Variants in PCDH15 observed in about 807,000 individuals in gnomAD.
PCDH15 encodes protocadherin-15.
PCDH15 carries 129 observed loss-of-function variants against 178.5 expected under a neutral mutation model. The ratio of observed to expected loss-of-function variants is 0.72; its 90% CI spans 0.63 to 0.84. PCDH15 has a LOEUF of 0.84. Among genes scored for constraint, PCDH15 ranks in the 40% least tolerant of loss-of-function variants. PCDH15 has a pLI of 0.00. For synonymous variants in PCDH15, 800 were observed against 732.0 expected, an observed-to-expected ratio of 1.09 and a Z score of -1.50; for missense variants, 2,230 against 2,099.9, an observed-to-expected ratio of 1.06 and a Z score of -1.21.
At chr10:53,925,311 A>G (rs1387032303) in intron 25 of PCDH15, among the ~76,000 whole-genome samples, 1 of 151,930 alleles carries the variant, frequency 6.6e-6, no homozygotes, top group East Asian at 1.9e-4. Context: ...ATAACCCCAG[A>G]CATGCCACCT....
chr10:55,365,537 C>A (rs529251001), intron 2 of PCDH15, among the ~76,000 whole-genome samples: 1 of 152,182 alleles, frequency 6.6e-6, no homozygotes, highest in South Asian at 2.1e-4. Flanking sequence ...CAAATCTCAT[C>A]TTGAATTATA....
intron 15 of PCDH15, among the ~76,000 whole-genome samples, chr10:54,117,401 C>T (rs1390132621): frequency 6.6e-6 from 1 of 152,148 alleles, no homozygotes; most frequent in Non-Finnish European, 1.5e-5. Flanking sequence ...GAGGGTGTCA[C>T]AGCCCTGGTT....
intron 14 of PCDH15, among the ~76,000 whole-genome samples, chr10:54,140,477 T>G (rs1392694506): frequency 6.6e-6 from 1 of 152,050 alleles, no homozygotes; most frequent in Non-Finnish European, 1.5e-5. Flanking sequence ...TTCTGCTTTT[T>G]TTTTTTTCTT....
At chr10:54,628,284 T>C (rs1013791938) in intron 2 of PCDH15, among the ~76,000 whole-genome samples, 1 of 152,198 alleles carries the variant, frequency 6.6e-6, no homozygotes, top group Non-Finnish European at 1.5e-5. Context: ...GTTGGCCTTA[T>C]ATTCTTCCCA....
At chr10:54,280,257 A>G (rs2058604320) in intron 8 of PCDH15, among the ~76,000 whole-genome samples, 1 of 150,202 alleles carries the variant, frequency 6.7e-6, no homozygotes, top group African/African-American at 2.5e-5. Flanking sequence ...TGATTTTGTT[A>G]AACATTAATT....
At chr10:55,559,208 T>G (rs932341405) in intron 2 of PCDH15, among the ~76,000 whole-genome samples, 3 of 151,974 alleles carry the variant, frequency 2.0e-5, no homozygotes. Context: ...TAGAACCAAA[T>G]GTATACCAAT....
chr10:54,917,718 A>C (rs1329271346), intron 2 of PCDH15, among the ~76,000 whole-genome samples: 2 of 152,202 alleles, frequency 1.3e-5, no homozygotes, highest in Admixed American at 6.5e-5. Flanking sequence ...TGGTCTCCAG[A>C]AATTTTTAGA....
chr10:55,407,388 T>C (rs944641619), intron 2 of PCDH15, among the ~76,000 whole-genome samples: 1 of 152,148 alleles, frequency 6.6e-6, no homozygotes, highest in Non-Finnish European at 1.5e-5. Flanking sequence ...TACTGCCTGA[T>C]GTCCTTTACA....
At chr10:54,825,235 G>C (rs1420888713) in intron 3 of PCDH15, among the ~76,000 whole-genome samples, 1 of 151,738 alleles carries the variant, frequency 6.6e-6, no homozygotes, top group East Asian at 1.9e-4. Context: ...AGTATTCCAT[G>C]GTGTATATGT....
intron 3 of PCDH15, among the ~76,000 whole-genome samples, chr10:54,416,953 C>T (rs1196538197): frequency 2.0e-5 from 3 of 152,074 alleles, no homozygotes. Context: ...ATCCTTTGCC[C>T]ACTTTTTGAT....
intron 8 of PCDH15, among the ~76,000 whole-genome samples, chr10:54,269,603 T>G (rs547027944): frequency 6.5e-4 from 99 of 151,972 alleles, no homozygotes; most frequent in African/African-American, 2.3e-3. Flanking sequence ...TACTCTCAGG[T>G]GTTAACTCAG....
At position 53,879,786 on chromosome 10, in the gene PCDH15, G is replaced by A. The variant is rs2080561268; in HGVS notation, c.3502-12929C>T. ...CGCCTGGCTAATTTTTGTATTTTTA[G>A]TAGAGACAAGGTTTTGCCATGTTGG... is the stretch of plus-strand genomic sequence containing the variant. On this transcript the variant is annotated intron_variant, in intron 26 of 37. Transcript: ENST00000644397. Among the ~76,000 whole-genome samples, 4 of 152,224 alleles carry A rather than the reference G, an allele frequency of 2.6e-5. No individual in the cohort carries two copies. The South Asian group carries it at 8.3e-4, about 32-fold the overall frequency.
intron 2 of PCDH15, among the ~76,000 whole-genome samples, chr10:55,421,419 A>C (rs995095229): frequency 7.8e-6 from 1 of 128,060 alleles, no homozygotes; most frequent in Admixed American, 7.5e-5. Context: ...TTATTCATAT[A>C]TATTTGTATA....
intron 2 of PCDH15, among the ~76,000 whole-genome samples, chr10:55,571,588 A>C: frequency 6.6e-6 from 1 of 152,146 alleles, no homozygotes; most frequent in East Asian, 1.9e-4. Context: ...GGTGGCAACT[A>C]GAACAAATCT....
Position 55,386,369 on chromosome 10 carries a change from G to C in PCDH15, c.-155-219718C>G, listed in dbSNP as rs145293427. 6.6e-3 allele frequency among the ~76,000 whole-genome samples: 1,003 copies of C among 151,956 alleles called. 10 individuals are homozygous for C. Among genetic ancestry groups the C allele is most frequent in the African/African-American group, 0.023 (966 of 41,478 alleles). ...AAGTATTAATTTCCTTAATATTTGA[G>C]GAGTTATTAAAAATTAATTTTAAAA... On this transcript the variant is annotated intron_variant, in intron 2 of 5. Transcript: ENST00000613346.
intron 2 of PCDH15, among the ~76,000 whole-genome samples, chr10:54,932,928 C>T (rs375022651): frequency 4.6e-5 from 7 of 152,146 alleles, no homozygotes; most frequent in African/African-American, 1.4e-4. Flanking sequence ...CCCAGAGCAA[C>T]TTTCATTCCT....
At chr10:55,214,602 A>G (rs1156661437) in intron 1 of PCDH15, among the ~76,000 whole-genome samples, 2 of 151,200 alleles carry the variant, frequency 1.3e-5, no homozygotes, top group African/African-American at 4.9e-5. Flanking sequence ...CCTGGCATAT[A>G]TCTTTTAATC....
intron 1 of PCDH15, among the ~76,000 whole-genome samples, chr10:55,215,408 A>G (rs1840677136): frequency 6.6e-6 from 1 of 152,104 alleles, no homozygotes; most frequent in South Asian, 2.1e-4. Flanking sequence ...GTGAGCACAT[A>G]CATGAATCCA....
intron 2 of PCDH15, among the ~76,000 whole-genome samples, chr10:55,505,327 T>A (rs773721978): frequency 5.9e-5 from 9 of 151,378 alleles, no homozygotes; most frequent in Non-Finnish European, 1.2e-4. Context: ...TATTGACATT[T>A]AACTGAAATT....
Sources: allele counts gnomAD v4.1 joint callset (sites outside exome capture counted in the v4.1 genomes callset), GRCh38; gene constraint gnomAD v4.1.1; transcripts MANE v1.5; gene names NCBI Gene and HGNC (gene_info 2026-07-23, HGNC 2026-07-21).